SEPTIN9: variants seen among roughly 807,000 people sequenced by gnomAD.
The protein encoded by SEPTIN9 is septin-9.
A neutral mutation model predicts 56.6 loss-of-function variants in SEPTIN9; 13 were observed. The observed-to-expected ratio is 0.23, with a 90% confidence interval of 0.15 to 0.37. The LOEUF (loss-of-function observed/expected upper bound fraction) is 0.37. Among genes scored for constraint, SEPTIN9 ranks in the 10% least tolerant of loss-of-function variants. The probability of loss-of-function intolerance (pLI) is 1.00; values close to 1 mark genes in which losing one functional copy is unlikely to be tolerated. For synonymous variants in SEPTIN9, 332 were observed against 334.1 expected (o/e 0.99, Z 0.07); for missense variants, 650 against 823.1 (o/e 0.79, Z 2.57).
Position 77,405,478 on chromosome 17 carries a change from G to A in SEPTIN9, c.721+2775G>A, listed in dbSNP as rs2036036467. Among the ~76,000 whole-genome samples the A allele has an allele frequency of 6.6e-6, 1 of 152,196 alleles. No homozygotes were observed. On this transcript the variant is annotated intron_variant, in intron 3 of 11. Transcript: ENST00000427177. This position sits in a 1 kb window ranked among gnomAD's most constrained non-coding sequence, Gnocchi z 5.8. ...GAATAGGATGTACACGTTGGAGCCG[G>A]GGCATGGGAGAAAACCATCAGCATC...
At chr17:77,482,598 C>T (rs548196100) in intron 4 of SEPTIN9, 2 of 672,488 alleles carry the variant, frequency 3.0e-6, no homozygotes, top group Non-Finnish European at 5.4e-6. Context: ...CGGCCTGGAG[C>T]AGGTCCTGAT....
At position 77,358,998 on chromosome 17, in the gene SEPTIN9, C is replaced by T. The variant is rs2034337105; in HGVS notation, c.77-43061C>T. On this transcript the variant is annotated intron_variant, in intron 2 of 11. Coordinates refer to ENST00000427177, the MANE Select transcript of SEPTIN9 (RefSeq NM_001113491.2). ...CATCCTCGACACACAGCTTCCATCT[C>T]TTGAGCTGAGATGGTTCCAGCTCCT... Among the ~76,000 whole-genome samples the T allele has an allele frequency of 2.0e-5, 3 of 152,212 alleles. No individual in the cohort carries two copies. The South Asian group carries it at 6.2e-4, about 31-fold the overall frequency.
intron 2 of SEPTIN9, among the ~76,000 whole-genome samples, chr17:77,394,408 G>A (rs2035638424): frequency 6.6e-6 from 1 of 152,132 alleles, no homozygotes; most frequent in Non-Finnish European, 1.5e-5. Context: ...CCATCTGTCC[G>A]GCTTCCCTGA....
chr17:77,490,635 G>A (rs1213421842), intron 7 of SEPTIN9, 107 bp from the exon 8 acceptor site: 12 of 870,706 alleles, frequency 1.4e-5, no homozygotes, highest in East Asian at 1.3e-4. Context: ...AGGGACCCCC[G>A]TGAGCCCCGA....
At chr17:77,343,715 G>A (rs542414048) in intron 2 of SEPTIN9, among the ~76,000 whole-genome samples, 64 of 152,306 alleles carry the variant, frequency 4.2e-4, no homozygotes, top group African/African-American at 1.4e-3. Context: ...ACTCTGGTTG[G>A]TGTCAGAATT....
At chr17:77,293,150 C>T (rs773593009) in intron 1 of SEPTIN9, among the ~76,000 whole-genome samples, 13 of 151,870 alleles carry the variant, frequency 8.6e-5, no homozygotes, top group South Asian at 2.1e-4. Flanking sequence ...CCAAGTAGCT[C>T]GGACTATAGG....
chr17:77,326,794 G>A lies in SEPTIN9; in HGVS notation c.76+19597G>A, dbSNP rs1248721699. Among the ~76,000 whole-genome samples, 2 of 152,168 alleles carry A rather than the reference G, an allele frequency of 1.3e-5. No individual in the cohort carries two copies. Among genetic ancestry groups the A allele is most frequent in the Non-Finnish European group, 2.9e-5 (2 of 68,032 alleles). Reference sequence around the variant, plus strand: ...AGCACCACCCCGCAACCTCCAGGTAGGGGAGAGGGGCTGAAGGTTAAGCAG... The same window carrying A: ...AGCACCACCCCGCAACCTCCAGGTAAGGGAGAGGGGCTGAAGGTTAAGCAG... On this transcript the variant is annotated intron_variant, in intron 2 of 11. Coordinates refer to ENST00000427177, the MANE Select transcript of SEPTIN9 (RefSeq NM_001113491.2). The surrounding 1 kb of genome is among the most constrained non-coding windows in gnomAD (Gnocchi z 5.1).
At chr17:77,311,407 C>T (rs112753699) in intron 2 of SEPTIN9, among the ~76,000 whole-genome samples, 2,431 of 152,238 alleles carry the variant, frequency 0.016, 67 homozygotes, top group African/African-American at 0.052. Flanking sequence ...GGATGGACGA[C>T]CCCGCCCGCA....
intron 1 of SEPTIN9, among the ~76,000 whole-genome samples, chr17:77,293,765 C>T (rs1341815606): frequency 6.6e-6 from 1 of 152,170 alleles, no homozygotes; most frequent in East Asian, 1.9e-4. Flanking sequence ...GGCATTACTT[C>T]TTCAATATGA....
rs758735523 is a variant in SEPTIN9, at chr17:77,326,700, C to A, written c.76+19503C>A. 3.3e-5 allele frequency among the ~76,000 whole-genome samples: 5 copies of A among 152,184 alleles called. No individual in the cohort carries two copies. The highest frequency in any genetic ancestry group is 5.9e-5 in the Non-Finnish European group (4 of 68,030). ...CCAAAGTGATGTCTTTTTGGATGCT[C>A]ATGATTGACAGACCAGCTGGCAGCT... On this transcript the variant is annotated intron_variant, in intron 2 of 11. Coordinates refer to ENST00000427177, the MANE Select transcript of SEPTIN9 (RefSeq NM_001113491.2). The surrounding 1 kb of genome is among the most constrained non-coding windows in gnomAD (Gnocchi z 5.1).
chr17:77,451,486 GGCTCTCGGCGCGTCCAGC>G lies in SEPTIN9; in HGVS notation c.722-30655_722-30638del. The G allele has an allele frequency of 2.0e-6, 2 of 985,790 alleles. No individual in the cohort carries two copies. The highest frequency in any genetic ancestry group is 2.4e-6 in the Non-Finnish European group (2 of 830,234). 61.1% of individuals were successfully genotyped at this position (985,790 alleles called of 1,614,324 possible). ...CCATGTGACCCGGTGGGCGGGCCGC[GGCTCTCGGCGCGTCCAGC>G]GCAGCCCGACGTTCCGCTGCTGGGG... On this transcript the variant is annotated intron_variant, in intron 3 of 11. Coordinates refer to ENST00000427177, the MANE Select transcript of SEPTIN9 (RefSeq NM_001113491.2). The surrounding 1 kb of genome is among the most constrained non-coding windows in gnomAD (Gnocchi z 4.2).
At chr17:77,398,186 G>C (rs148654147) in intron 2 of SEPTIN9, among the ~76,000 whole-genome samples, 1 of 151,718 alleles carries the variant, frequency 6.6e-6, no homozygotes, top group African/African-American at 2.4e-5. Flanking sequence ...TGTTGCCCAG[G>C]TTTGTCTTGA....
At chr17:77,288,753 T>A (rs2031391761) in intron 1 of SEPTIN9, among the ~76,000 whole-genome samples, 1 of 152,218 alleles carries the variant, frequency 6.6e-6, no homozygotes, top group African/African-American at 2.4e-5. Context: ...AACCCACTAA[T>A]AACAGGGAAC....
At chr17:77,460,370 T>G (rs1312390203) in intron 3 of SEPTIN9, among the ~76,000 whole-genome samples, 1 of 152,020 alleles carries the variant, frequency 6.6e-6, no homozygotes, top group Non-Finnish European at 1.5e-5. Flanking sequence ...ACCGTGGTGC[T>G]CCCCGAGGAC....
Position 77,435,404 on chromosome 17 carries a change from C to T in SEPTIN9, c.721+32701C>T, listed in dbSNP as rs547153394. 4.6e-5 allele frequency among the ~76,000 whole-genome samples: 7 copies of T among 152,292 alleles called. No homozygotes were observed. In the East Asian group the frequency reaches 5.8e-4, roughly 13 times the overall value. On this transcript the variant is annotated intron_variant, in intron 3 of 11. Transcript: ENST00000427177. The surrounding 1 kb of genome is among the most constrained non-coding windows in gnomAD (Gnocchi z 4.5). ...TCTTGAGGTGGCTCACCCCTAAACA[C>T]GCCCCCCATGGTGGCTCTGTTTCCT...
intron 2 of SEPTIN9, among the ~76,000 whole-genome samples, chr17:77,342,956 C>T (rs1305028422): frequency 1.3e-5 from 2 of 151,826 alleles, no homozygotes; most frequent in Non-Finnish European, 2.9e-5. Flanking sequence ...GCCTGGATGA[C>T]AGAGGGAGAC....
chr17:77,312,265 C>T (rs1490847197), intron 2 of SEPTIN9, among the ~76,000 whole-genome samples: 1 of 152,150 alleles, frequency 6.6e-6, no homozygotes, highest in African/African-American at 2.4e-5. Context: ...TCCCTCCACC[C>T]GATCATTTCC....
intron 2 of SEPTIN9, among the ~76,000 whole-genome samples, chr17:77,351,500 G>A (rs373496874): frequency 2.6e-5 from 4 of 152,204 alleles, no homozygotes; most frequent in African/African-American, 7.2e-5. Context: ...TGGGAGACAC[G>A]TCTGCAGCTC....
rs576781752 is a variant in SEPTIN9 at position 77,484,583 on chromosome 17, ATGG to A, written c.913+2253_913+2255del. ...GGTGATTGTGGTGATGGTGGTTATG[ATGG>A]TGGTAATTGTGATGGTGGTGGTGAT... On this transcript the variant is annotated intron_variant, in intron 4 of 11. Coordinates refer to ENST00000427177, the MANE Select transcript of SEPTIN9 (RefSeq NM_001113491.2). Among the ~76,000 whole-genome samples, 365 of 47,192 alleles carry A rather than the reference ATGG, an allele frequency of 7.7e-3. 20 individuals are homozygous for A. The highest frequency in any genetic ancestry group is 9.8e-3 in the Non-Finnish European group (246 of 25,056). The allele number at this position is 47,192 out of a possible 152,430, so 31.0% of individuals were successfully genotyped here.
Sources: allele counts gnomAD v4.1 joint callset (sites outside exome capture counted in the v4.1 genomes callset), GRCh38; gene constraint gnomAD v4.1.1; non-coding constraint Gnocchi (gnomAD v3.1); transcripts MANE v1.5; gene names NCBI Gene and HGNC (gene_info 2026-07-23, HGNC 2026-07-21).